DBH: variants seen among roughly 807,000 people sequenced by gnomAD.
DBH encodes the protein dopamine beta-hydroxylase (dopamine beta-monooxygenase).
A neutral mutation model predicts 64.0 loss-of-function variants in DBH; 49 were observed. The ratio of observed to expected loss-of-function variants is 0.77; its 90% confidence interval spans 0.61 to 0.97. The LOEUF is 0.97. Ranked by LOEUF, DBH falls within the 50% of genes least tolerant of loss-of-function variation. The pLI is 0.00. For missense variants in DBH, 828 were observed against 826.6 expected, an observed-to-expected ratio of 1.00 and a Z score of -0.02; for synonymous variants, 343 against 347.1, an observed-to-expected ratio of 0.99 and a Z score of 0.13.
chr9:133,652,186 G>T (rs1452101798), intron 7 of DBH, 60 bp from the exon 8 acceptor site: 5 of 1,602,266 alleles, frequency 3.1e-6, no homozygotes, highest in Non-Finnish European at 4.3e-6. Context: ...GTGGCCGGGG[G>T]TCTGGTCTGC....
chr9:133,657,447 GAGAGGAGAGAGGGAGAGGGAGA>G, intron 11 of DBH: 1 of 532,488 alleles, frequency 1.9e-6, no homozygotes, highest in African/African-American at 2.5e-5. Flanking sequence ...AGAGAGGAGA[GAGAGGAGAGAGGGAGAGGGAGA>G]GAGGGAGAGG....
intron 7 of DBH, 60 bp from the exon 8 acceptor site, chr9:133,652,186 G>C: frequency 6.2e-7 from 1 of 1,602,384 alleles, no homozygotes. Flanking sequence ...GTGGCCGGGG[G>C]TCTGGTCTGC....
intron 1 of DBH, among the ~76,000 whole-genome samples, chr9:133,637,797 T>C (rs993569128): frequency 1.3e-5 from 2 of 152,190 alleles, no homozygotes; most frequent in African/African-American, 4.8e-5. Flanking sequence ...CCTGTGTCGC[T>C]AGTGAGGCTT....
intron 2 of DBH, among the ~76,000 whole-genome samples, chr9:133,641,909 C>A (rs957296894): frequency 6.6e-6 from 1 of 152,224 alleles, no homozygotes; most frequent in Non-Finnish European, 1.5e-5. Flanking sequence ...TCCGGCCACA[C>A]TGGCTCACGG....
chr9:133,638,693 C>A (rs1478260335), intron 1 of DBH, among the ~76,000 whole-genome samples: 4 of 152,166 alleles, frequency 2.6e-5, no homozygotes, highest in African/African-American at 9.7e-5. Flanking sequence ...GATTCTCACA[C>A]ACGTGTGAAT....
At chr9:133,642,168 T>C (rs1832123385) in intron 2 of DBH, 39 bp from the exon 3 acceptor site, 2 of 1,609,310 alleles carry the variant, frequency 1.2e-6, no homozygotes, top group African/African-American at 1.3e-5. Flanking sequence ...CTCTGGGGGC[T>C]CTGAGAGGGC....
chr9:133,636,384 A>C lies in DBH; in HGVS notation c.13A>C (p.Ser5Arg). The C allele has an allele frequency of 3.1e-6, 5 of 1,609,918 alleles. No individual in the cohort carries two copies. Among genetic ancestry groups the C allele is most frequent in the Non-Finnish European group, 4.2e-6 (5 of 1,179,944 alleles). Residue 5 changes from serine to arginine, a missense_variant, in exon 1 of 12, where the codon AGT becomes CGT. By Grantham distance (110) the Ser-to-Arg change is moderately radical. Coordinates refer to ENST00000393056, the MANE Select transcript of DBH (RefSeq NM_000787.4). ...GCTCACCCCAGCCATGCCCGCCCTC[A>C]GTCGCTGGGCCAGCCTGCCCGGCCC... MPALSRWASLPGPSM... is the reference protein window; with the variant it reads MPALRRWASLPGPSM...
intron 6 of DBH, among the ~76,000 whole-genome samples, chr9:133,649,008 C>T (rs1025079202): frequency 1.3e-5 from 2 of 152,206 alleles, no homozygotes; most frequent in African/African-American, 4.8e-5. Flanking sequence ...CTGCTCCCTC[C>T]CACACATAGG....
intron 5 of DBH, among the ~76,000 whole-genome samples, chr9:133,645,709 G>C (rs953867602): frequency 6.6e-6 from 1 of 152,154 alleles, no homozygotes; most frequent in African/African-American, 2.4e-5. Flanking sequence ...CATCTTAAAG[G>C]AAACAAGTAG....
intron 6 of DBH, among the ~76,000 whole-genome samples, chr9:133,649,212 GGTTT>G (rs1171495579): frequency 6.6e-6 from 1 of 152,122 alleles, no homozygotes; most frequent in Non-Finnish European, 1.5e-5. Context: ...TCCAGTAGGT[GGTTT>G]GTTTTTCTTA....
In DBH at chr9:133,647,724, G is replaced by A. The variant is rs538394186; in HGVS notation, c.1025-122G>A. ...TCTGCCTAGCAGGTGGGAGCAGATG[G>A]GGGGTGACCGGCCCTGCCTCCTGGC... is the stretch of plus-strand genomic sequence containing the variant. On this transcript the variant is annotated intron_variant, in intron 5 of 11. Coordinates refer to ENST00000393056, the MANE Select transcript of DBH (RefSeq NM_000787.4). 161 of 1,210,284 alleles carry A rather than the reference G, an allele frequency of 1.3e-4. 1 individual carries two copies. The South Asian group carries it at 1.9e-3, about 15-fold the overall frequency. The allele number at this position is 1,210,284 out of a possible 1,614,324, so 75.0% of individuals were successfully genotyped here.
chr9:133,657,007 G>T (rs975089541), intron 10 of DBH, 63 bp from the exon 11 acceptor site: 5 of 1,569,752 alleles, frequency 3.2e-6, no homozygotes, highest in Non-Finnish European at 4.4e-6. Context: ...GGTGTTGCTG[G>T]TGCCCACTGG....
chr9:133,644,454 G>A (rs1173435191), intron 5 of DBH, 134 bp downstream of exon 5: 23 of 768,110 alleles, frequency 3.0e-5, no homozygotes, highest in Middle Eastern at 2.2e-4. Flanking sequence ...AGGCCCTTGC[G>A]TCTGCCTCAT....
intron 1 of DBH, among the ~76,000 whole-genome samples, chr9:133,638,018 A>C (rs1418394731): frequency 6.6e-6 from 1 of 152,270 alleles, no homozygotes; most frequent in Non-Finnish European, 1.5e-5. Context: ...AGCCTCTGCC[A>C]TGAGGCACCC....
intron 5 of DBH, among the ~76,000 whole-genome samples, chr9:133,645,229 C>T (rs894935881): frequency 1.0e-4 from 14 of 136,926 alleles, no homozygotes; most frequent in African/African-American, 3.9e-4. Flanking sequence ...GCTCAGCTAA[C>T]AGTCGCCTGT....
chr9:133,658,666 G>A lies in DBH; in HGVS notation c.*219G>A. The A allele has an allele frequency of 2.1e-6, 1 of 485,106 alleles. No individual in the cohort carries two copies. The highest frequency in any genetic ancestry group is 2.0e-5 in the African/African-American group (1 of 51,108). 30.1% of individuals were successfully genotyped at this position (485,106 alleles called of 1,614,324 possible). The stretch of plus-strand genomic sequence containing the variant: ...GTGGGTGCCCTGTTGACCTACCCTG[G>A]ACCGAGTGGACCACGACCTCGTCCA... On this transcript the variant is annotated 3_prime_UTR_variant, in exon 12 of 12. Transcript: ENST00000393056.
In DBH at chr9:133,647,752, A is replaced by C; in HGVS notation, c.1025-94A>C. On this transcript the variant is annotated intron_variant, in intron 5 of 11. Coordinates refer to ENST00000393056, the MANE Select transcript of DBH (RefSeq NM_000787.4). ...GGTGACCGGCCCTGCCTCCTGGCTG[A>C]GGGTGGCTGGGGTCATAGGGATAAT... 3.4e-6 allele frequency: 5 copies of C among 1,491,766 alleles called. No homozygotes were observed. The South Asian group carries it at 4.7e-5, about 14-fold the overall frequency. The allele number at this position is 1,491,766 out of a possible 1,614,324, so 92.4% of individuals were successfully genotyped here. A position where few individuals can be genotyped will look rare whatever the true frequency, so the allele number is the denominator to read the frequency against.
At chr9:133,641,174 T>C (rs992210263) in intron 2 of DBH, among the ~76,000 whole-genome samples, 2 of 152,184 alleles carry the variant, frequency 1.3e-5, no homozygotes, top group African/African-American at 2.4e-5. Context: ...AGATGCCAAA[T>C]AGACAAATAC....
chr9:133,651,554 C>A, intron 6 of DBH, 80 bp from the exon 7 acceptor site: 1 of 1,578,458 alleles, frequency 6.3e-7, no homozygotes, highest in South Asian at 1.1e-5. Flanking sequence ...AGGGTGGCTG[C>A]TCCCTACCGG....
Sources: allele counts gnomAD v4.1 joint callset (sites outside exome capture counted in the v4.1 genomes callset), GRCh38; gene constraint gnomAD v4.1.1; transcripts MANE v1.5; gene names NCBI Gene and HGNC (gene_info 2026-07-23, HGNC 2026-07-21).